HUNK: variants seen among roughly 807,000 people sequenced by gnomAD.
The protein encoded by HUNK is hormonally up-regulated neu tumor-associated kinase.
A neutral mutation model predicts 61.0 loss-of-function variants in HUNK; 21 were observed. That is an observed-to-expected ratio of 0.34 (90% CI 0.24 to 0.50). The LOEUF (loss-of-function observed/expected upper bound fraction) is 0.50, where lower values mean the gene tolerates loss of function less well. Among genes scored for constraint, HUNK ranks in the 20% least tolerant of loss-of-function variants. HUNK has a pLI of 0.98. For missense variants in HUNK, 772 were observed against 945.7 expected (o/e 0.82, Z 2.41); for synonymous variants, 371 against 386.1 (o/e 0.96, Z 0.46).
chr21:31,943,904 G>T (rs904209431), intron 3 of HUNK, among the ~76,000 whole-genome samples: 42 of 152,174 alleles, frequency 2.8e-4, no homozygotes, highest in Admixed American at 2.7e-3. Flanking sequence ...CAATTTCCAG[G>T]ACTCTGATGA....
At chr21:31,898,661 T>A (rs890173597) in intron 1 of HUNK, among the ~76,000 whole-genome samples, 5 of 152,262 alleles carry the variant, frequency 3.3e-5, no homozygotes, top group Middle Eastern at 3.4e-3. Flanking sequence ...CGTCTTTTGG[T>A]CACCCCTATG....
chr21:31,937,046 G>A (rs1031383647), intron 2 of HUNK, among the ~76,000 whole-genome samples: 4 of 152,186 alleles, frequency 2.6e-5, no homozygotes, highest in Non-Finnish European at 5.9e-5. Context: ...AGGGTTCACG[G>A]AATCACAGTT....
chr21:31,966,308 C>T (rs2052965969), intron 5 of HUNK, among the ~76,000 whole-genome samples: 1 of 152,112 alleles, frequency 6.6e-6, no homozygotes, highest in African/African-American at 2.4e-5. Context: ...ATATATGTCA[C>T]ATTTTCTTTA....
chr21:31,894,333 T>C (rs73191254), intron 1 of HUNK, among the ~76,000 whole-genome samples: 1,909 of 152,302 alleles, frequency 0.013, 9 homozygotes, highest in Middle Eastern at 0.027. Context: ...CATGGAATGC[T>C]CTTTCCATTT....
rs549517121 is a variant in HUNK, at chr21:32,000,984, C to A, written c.*1800C>A. Reference sequence around the variant, plus strand: ...CCAGAACTTACCATTGAAAACAGAGCTTTTAGGCCAGGTGTGGTGGCTCAC... The same window carrying A: ...CCAGAACTTACCATTGAAAACAGAGATTTTAGGCCAGGTGTGGTGGCTCAC... On this transcript the variant is annotated 3_prime_UTR_variant, in exon 11 of 11. Transcript: ENST00000270112. 5.2e-4 allele frequency: 186 copies of A among 357,722 alleles called. No homozygotes were observed. The highest frequency in any genetic ancestry group is 3.3e-3 in the African/African-American group (157 of 47,936). 22.2% of individuals were successfully genotyped at this position (357,722 alleles called of 1,614,324 possible).
At chr21:31,955,904 G>A (rs1215998821) in intron 4 of HUNK, among the ~76,000 whole-genome samples, 1 of 152,254 alleles carries the variant, frequency 6.6e-6, no homozygotes. Context: ...CAGAGGTGGT[G>A]AGCAGGGACA....
intron 5 of HUNK, among the ~76,000 whole-genome samples, chr21:31,959,913 G>A (rs971286078): frequency 6.6e-6 from 1 of 152,202 alleles, no homozygotes; most frequent in African/African-American, 2.4e-5. Context: ...CACCTCAAGG[G>A]AGGGGAGACT....
chr21:31,992,367 G>A (rs2053177209), intron 9 of HUNK, among the ~76,000 whole-genome samples: 1 of 152,224 alleles, frequency 6.6e-6, no homozygotes, highest in African/African-American at 2.4e-5. Context: ...TTGTTCATGG[G>A]GCTGCGTTTT....
At chr21:31,900,124 C>T (rs1223716855) in intron 1 of HUNK, among the ~76,000 whole-genome samples, 3 of 152,128 alleles carry the variant, frequency 2.0e-5, no homozygotes, top group Non-Finnish European at 2.9e-5. Flanking sequence ...TTGACACAGT[C>T]TAGTTTAATC....
At chr21:31,925,235 G>A (rs1601381441) in intron 2 of HUNK, among the ~76,000 whole-genome samples, 1 of 152,200 alleles carries the variant, frequency 6.6e-6, no homozygotes, top group East Asian at 1.9e-4. Flanking sequence ...GCTCTGCCCT[G>A]TAACAGTTAT....
intron 10 of HUNK, among the ~76,000 whole-genome samples, chr21:31,997,115 TC>T (rs1391305710): frequency 6.6e-6 from 1 of 152,212 alleles, no homozygotes; most frequent in East Asian, 1.9e-4. Flanking sequence ...AGGAGCTTGC[TC>T]CTGCAGCTGG....
In HUNK at chr21:31,879,179, G is replaced by A. The variant is rs137897612; in HGVS notation, c.261+5244G>A. Among the ~76,000 whole-genome samples the A allele has an allele frequency of 4.9e-3, 747 of 152,310 alleles. 8 individuals are homozygous for A. Among genetic ancestry groups the A allele is most frequent in the African/African-American group, 0.017 (705 of 41,570 alleles). The stretch of plus-strand genomic sequence containing the variant: ...AGATCTGTTTTTAGCAAGTATTTCT[G>A]AAACAAACAGGTGCTAAATCCTGTA... On this transcript the variant is annotated intron_variant, in intron 1 of 10. Coordinates refer to ENST00000270112, the MANE Select transcript of HUNK (RefSeq NM_014586.2).
In HUNK at chr21:31,882,627, C is replaced by T. The variant is rs1325046420; in HGVS notation, c.261+8692C>T. 4.6e-5 allele frequency among the ~76,000 whole-genome samples: 7 copies of T among 152,138 alleles called. No homozygotes were observed. In the South Asian group the frequency reaches 6.2e-4, roughly 14 times the overall value. ...TGTAATGATCAAGCCAGAGTATCGG[C>T]GTGTCCATCACCTAAGTATTCATTT... On this transcript the variant is annotated intron_variant, in intron 1 of 10. Coordinates refer to ENST00000270112, the MANE Select transcript of HUNK (RefSeq NM_014586.2).
chr21:31,984,157 G>A (rs527701599), intron 8 of HUNK, among the ~76,000 whole-genome samples: 2 of 152,148 alleles, frequency 1.3e-5, no homozygotes, highest in Admixed American at 1.3e-4. Context: ...AATAAGTTCC[G>A]GTGTTCTGTG....
Position 31,970,280 on chromosome 21 carries a change from A to C in HUNK, c.1010+1895A>C, listed in dbSNP as rs78181728. ...ACTTTAAAGGGGCGTGGGAGTCTGCATCCACACTTCAGTGCCAAATTTACA... is the reference window on the plus strand; with the variant it reads ...ACTTTAAAGGGGCGTGGGAGTCTGCCTCCACACTTCAGTGCCAAATTTACA... On this transcript the variant is annotated intron_variant, in intron 6 of 10. Transcript: ENST00000270112. Among the ~76,000 whole-genome samples the C allele has an allele frequency of 7.2e-3, 1,099 of 152,308 alleles. 9 individuals are homozygous for C. The highest frequency in any genetic ancestry group is 0.012 in the Non-Finnish European group (791 of 68,020).
intron 1 of HUNK, among the ~76,000 whole-genome samples, chr21:31,907,774 G>C (rs2052516397): frequency 6.6e-6 from 1 of 152,082 alleles, no homozygotes; most frequent in Non-Finnish European, 1.5e-5. Flanking sequence ...CGGATCACTT[G>C]AGGTCAGGAG....
chr21:31,875,336 C>T (rs1329143820), intron 1 of HUNK, among the ~76,000 whole-genome samples: 7 of 152,172 alleles, frequency 4.6e-5, no homozygotes, highest in Non-Finnish European at 1.5e-5. Flanking sequence ...TGCAGGTCTC[C>T]GTCACCCTTG....
chr21:31,896,020 G>A (rs1272492617), intron 1 of HUNK, among the ~76,000 whole-genome samples: 2 of 152,166 alleles, frequency 1.3e-5, no homozygotes, highest in Non-Finnish European at 2.9e-5. Context: ...CCTAGAAGAA[G>A]AGGAAATTTG....
intron 6 of HUNK, 38 bp downstream of exon 6, chr21:31,968,423 C>A: frequency 6.2e-7 from 1 of 1,612,116 alleles, no homozygotes; most frequent in Non-Finnish European, 8.5e-7. Context: ...TCGGGAGAGA[C>A]GGGGCCTGTC....
Sources: allele counts gnomAD v4.1 joint callset (sites outside exome capture counted in the v4.1 genomes callset), GRCh38; gene constraint gnomAD v4.1.1; transcripts MANE v1.5; gene names NCBI Gene and HGNC (gene_info 2026-07-23, HGNC 2026-07-21).